Variants in DPP10 observed in about 807,000 individuals in gnomAD.
The protein encoded by DPP10 is dipeptidyl peptidase like 10, also known as inactive dipeptidyl peptidase 10.
Under a neutral mutation model 120.9 loss-of-function variants are expected in DPP10, and 33 were observed. That is an observed-to-expected ratio of 0.27 (90% CI 0.21 to 0.37). The LOEUF is 0.37. DPP10 is among the 10% of genes least tolerant of loss of function. The pLI, the probability that DPP10 is intolerant of heterozygous loss-of-function variation, is 1.00. For synonymous variants in DPP10, 337 were observed against 326.1 expected, an observed-to-expected ratio of 1.03 and a Z score of -0.36; for missense variants, 816 against 942.8, an observed-to-expected ratio of 0.87 and a Z score of 1.76.
intron 1 of DPP10, among the ~76,000 whole-genome samples, chr2:114,782,996 T>G (rs1682461436): frequency 6.6e-6 from 1 of 152,088 alleles, no homozygotes; most frequent in South Asian, 2.1e-4. Flanking sequence ...TGATAGAATA[T>G]GCTAATCCAA....
chr2:114,547,209 G>C (rs888301727), intron 1 of DPP10, among the ~76,000 whole-genome samples: 3 of 152,166 alleles, frequency 2.0e-5, no homozygotes, highest in Non-Finnish European at 2.9e-5. Context: ...AAGCCCAATG[G>C]GACGCTGGAG....
intron 1 of DPP10, among the ~76,000 whole-genome samples, chr2:115,025,527 AT>A (rs1161282802): frequency 2.0e-5 from 3 of 152,106 alleles, no homozygotes; most frequent in Admixed American, 1.3e-4. Context: ...TACTAGTGGA[AT>A]TGCTAGATCA....
rs191311760 is a variant in DPP10 at position 115,303,607 on chromosome 2, A to T, written c.61-5632A>T. Among the ~76,000 whole-genome samples the T allele has an allele frequency of 5.1e-4, 77 of 151,820 alleles. 1 individual carries two copies. In the East Asian group the frequency reaches 5.2e-3, roughly 10 times the overall value. ...TTATATCAATATAAGAAAATTAATA[A>T]TTTTTTTCTTTATTTCCCATAGCAA... On this transcript the variant is annotated intron_variant, in intron 1 of 25. Transcript: ENST00000410059.
rs75040684 is a variant in DPP10, at chr2:114,814,845, T to C, written c.60+372007T>C. On this transcript the variant is annotated intron_variant, in intron 1 of 25. Transcript: ENST00000410059. Reference sequence around the variant, plus strand: ...GGTTCTCAGTCCTTCCCTCTTTCCTTCAGTTGCTGCTGTTGCTGTCCAGCT... The same window carrying C: ...GGTTCTCAGTCCTTCCCTCTTTCCTCCAGTTGCTGCTGTTGCTGTCCAGCT... Among the ~76,000 whole-genome samples the C allele has an allele frequency of 6.0e-3, 920 of 152,324 alleles. 16 individuals carry two copies. The highest frequency in any genetic ancestry group is 0.021 in the African/African-American group (883 of 41,574).
chr2:114,786,062 T>C (rs762827173), intron 1 of DPP10, among the ~76,000 whole-genome samples: 3 of 152,208 alleles, frequency 2.0e-5, no homozygotes, highest in Admixed American at 6.5e-5. Context: ...ATACTCCTAT[T>C]TGGAGAACAA....
chr2:115,073,999 T>G (rs567539073), intron 1 of DPP10, among the ~76,000 whole-genome samples: 1 of 152,336 alleles, frequency 6.6e-6, no homozygotes, highest in South Asian at 2.1e-4. Context: ...TTTTAATTTT[T>G]AAGACAGAAA....
At chr2:115,666,801 AGTTCTTTCAGGT>A (rs2089493356) in intron 5 of DPP10, among the ~76,000 whole-genome samples, 1 of 152,176 alleles carries the variant, frequency 6.6e-6, no homozygotes, top group Non-Finnish European at 1.5e-5. Context: ...GTCAAATGGT[AGTTCTTTCAGGT>A]TCTTTGAAAA....
chr2:114,490,687 T>A lies in DPP10; in HGVS notation c.60+47849T>A, dbSNP rs193134895. 3.0e-3 allele frequency among the ~76,000 whole-genome samples: 461 copies of A among 151,958 alleles called. 2 individuals carry two copies. The highest frequency in any genetic ancestry group is 0.014 in the Middle Eastern group (4 of 294). On this transcript the variant is annotated intron_variant, in intron 1 of 25. Coordinates refer to ENST00000410059, the MANE Select transcript of DPP10 (RefSeq NM_020868.6). ...GTGAGGAGAAACAATTCCTGAGTAT[T>A]AGAAAAAGGTCTGAATTTGGAGCTT...
intron 1 of DPP10, among the ~76,000 whole-genome samples, chr2:115,154,653 A>G (rs553158581): frequency 6.6e-6 from 1 of 152,202 alleles, no homozygotes; most frequent in Admixed American, 6.5e-5. Flanking sequence ...GAGAGGGTGA[A>G]TAAAGATTTT....
At chr2:114,558,352 C>T (rs76898282) in intron 1 of DPP10, among the ~76,000 whole-genome samples, 1 of 152,212 alleles carries the variant, frequency 6.6e-6, no homozygotes, top group Admixed American at 6.5e-5. Context: ...GTCTTGAATG[C>T]ATCGAGTTTT....
chr2:115,012,525 C>T (rs1443440326), intron 1 of DPP10, among the ~76,000 whole-genome samples: 1 of 152,160 alleles, frequency 6.6e-6, no homozygotes, highest in Non-Finnish European at 1.5e-5. Flanking sequence ...TGCAGACATG[C>T]CCCAGTACCA....
At chr2:115,749,956 C>T in intron 10 of DPP10, 3 of 981,792 alleles carry the variant, frequency 3.1e-6, no homozygotes, top group Non-Finnish European at 3.6e-6. Context: ...GACTTGAGTG[C>T]AATCCCTCTA....
At chr2:115,332,081 G>C (rs182906009) in intron 2 of DPP10, among the ~76,000 whole-genome samples, 1 of 152,056 alleles carries the variant, frequency 6.6e-6, no homozygotes, top group East Asian at 1.9e-4. Flanking sequence ...GTAAGCTATT[G>C]ATTATTGCCT....
chr2:115,381,669 C>A (rs1406345626), intron 3 of DPP10, among the ~76,000 whole-genome samples: 1 of 152,124 alleles, frequency 6.6e-6, no homozygotes, highest in Non-Finnish European at 1.5e-5. Context: ...CTGGTTTTTC[C>A]CCATCTTTGT....
chr2:114,834,922 T>C (rs1462975593), intron 1 of DPP10, among the ~76,000 whole-genome samples: 1 of 149,360 alleles, frequency 6.7e-6, no homozygotes. Context: ...CCTATGTATA[T>C]ATAAGCCATA....
chr2:115,093,729 GACAC>G (rs1457570738), intron 1 of DPP10, among the ~76,000 whole-genome samples: 1 of 151,926 alleles, frequency 6.6e-6, no homozygotes, highest in South Asian at 2.1e-4. Flanking sequence ...TATATGCAGA[GACAC>G]ACACATAAAC....
intron 1 of DPP10, among the ~76,000 whole-genome samples, chr2:114,751,845 C>G (rs181726197): frequency 1.3e-5 from 2 of 152,142 alleles, no homozygotes; most frequent in Non-Finnish European, 2.9e-5. Context: ...GCTTTTGCAT[C>G]CTTGACTCTA....
intron 1 of DPP10, among the ~76,000 whole-genome samples, chr2:114,817,938 A>C (rs1390277881): frequency 6.6e-6 from 1 of 152,222 alleles, no homozygotes; most frequent in African/African-American, 2.4e-5. Context: ...TTATTGGCAG[A>C]GTTTATCTAA....
At position 114,812,583 on chromosome 2, in the gene DPP10, G is replaced by GACACACACACACACACACAC. The variant is rs3036385; in HGVS notation, c.60+369761_60+369780dup. 3.3e-3 allele frequency among the ~76,000 whole-genome samples: 443 copies of GACACACACACACACACACAC among 134,510 alleles called. 3 individuals are homozygous for GACACACACACACACACACAC. The highest frequency in any genetic ancestry group is 3.7e-3 in the African/African-American group (129 of 35,166). The allele number at this position is 134,510 out of a possible 152,430, so 88.2% of individuals were successfully genotyped here. A position where few individuals can be genotyped will look rare whatever the true frequency, so the allele number is the denominator to read the frequency against. ...AGCCTGGGCAACAGGGTGAGACATT[G>GACACACACACACACACACAC]ACACACACACACACACACACACACA... On this transcript the variant is annotated intron_variant, in intron 1 of 25. Transcript: ENST00000410059.
Sources: allele counts gnomAD v4.1 joint callset (sites outside exome capture counted in the v4.1 genomes callset), GRCh38; gene constraint gnomAD v4.1.1; transcripts MANE v1.5; gene names NCBI Gene and HGNC (gene_info 2026-07-23, HGNC 2026-07-21).